MYO18A: variants seen among roughly 807,000 people sequenced by gnomAD.
MYO18A encodes myosin XVIIIA.
MYO18A carries 78 observed loss-of-function variants against 235.8 expected under a neutral mutation model. That is an observed-to-expected ratio of 0.33 (90% CI 0.28 to 0.40). MYO18A has a LOEUF of 0.40. Among genes scored for constraint, MYO18A ranks in the 10% least tolerant of loss-of-function variants. The pLI, the probability that MYO18A is intolerant of heterozygous loss-of-function variation, is 1.00. For synonymous variants in MYO18A, 977 were observed against 1,077.8 expected, an observed-to-expected ratio of 0.91 and a Z score of 1.83; for missense variants, 2,215 against 2,699.3, an observed-to-expected ratio of 0.82 and a Z score of 3.98.
rs74696967 is a variant in MYO18A, at chr17:29,073,812, G to A, written c.*958C>T. 1.1e-3 allele frequency: 1,772 copies of A among 1,549,304 alleles called. 17 individuals carry two copies. In the African/African-American group the frequency reaches 0.022, roughly 19 times the overall value. On this transcript the variant is annotated 3_prime_UTR_variant, in exon 42 of 42. Coordinates refer to ENST00000527372, the MANE Select transcript of MYO18A (RefSeq NM_078471.4). ...TGAGGACTCATGTCTAATGAGCACC[G>A]GCCAAAACTTCCATCTTCAGTTTTT...
At chr17:29,122,348 G>T in intron 2 of MYO18A, 95 bp from the exon 3 acceptor site, 1 of 1,110,238 alleles carries the variant, frequency 9.0e-7, no homozygotes, top group South Asian at 1.4e-5. Flanking sequence ...TGGGCTTTGA[G>T]ACAAGCCACT....
Position 29,086,939 on chromosome 17 carries a change from T to C in MYO18A, c.5709A>G (p.Glu1903=), listed in dbSNP as rs2066269691. The change falls in exon 38 of 42, where the codon GAA becomes GAG. Residue 1903 remains glutamate, a synonymous_variant. Coordinates refer to ENST00000527372, the MANE Select transcript of MYO18A (RefSeq NM_078471.4). ...KEAEASRKKH[E]LEMDLESLEA... ...CGTGGGGGACAGGGGGCATTACCAG[T>C]TCGTGCTTCTTGCGGCTCGCCTCGG... is the stretch of plus-strand genomic sequence containing the variant. 1 of 1,612,196 alleles carries C rather than the reference T, an allele frequency of 6.2e-7. No homozygotes were observed. The highest frequency in any genetic ancestry group is 8.5e-7 in the Non-Finnish European group (1 of 1,178,912).
chr17:29,175,962 G>C (rs896314984), intron 1 of MYO18A, among the ~76,000 whole-genome samples: 1 of 152,110 alleles, frequency 6.6e-6, no homozygotes, highest in Non-Finnish European at 1.5e-5. Context: ...GGGAGGCTGA[G>C]GCAGAGAATT....
In MYO18A at chr17:29,098,367, G is replaced by T; in HGVS notation, c.3859C>A (p.Leu1287Met). 6.2e-7 allele frequency: 1 copy of T among 1,613,850 alleles called. No homozygotes were observed. The highest frequency in any genetic ancestry group is 8.5e-7 in the Non-Finnish European group (1 of 1,179,858). The change falls in exon 24 of 42, where the codon CTG (leucine) becomes ATG (methionine). Residue 1287 changes from leucine to methionine, a missense_variant. Physicochemically the swap from Leu to Met is conservative, Grantham distance 15. Transcript: ENST00000527372. ...CAGGAGTCACTCACCCGGCTCTCCA[G>T]CCGGTCACTGTTGAGCCGCAGCTCG... ...RNELRLNSDR[L>M]ESRISELTSE...
chr17:29,122,365 GGAATGAGTTAGGT>G, intron 2 of MYO18A, 112 bp from the exon 3 acceptor site: 2 of 920,782 alleles, frequency 2.2e-6, no homozygotes, highest in Non-Finnish European at 3.4e-6. Flanking sequence ...CACTGGGCAA[GGAATGAGTTAGGT>G]GACAGACACA....
rs774525527 is a variant in MYO18A, at chr17:29,090,591, T to G, written c.5329A>C (p.Asn1777His). The change falls in exon 36 of 42, where the codon AAT becomes CAT. Residue 1777 changes from asparagine to histidine, a missense_variant. Coordinates refer to ENST00000527372, the MANE Select transcript of MYO18A (RefSeq NM_078471.4). The stretch of plus-strand genomic sequence containing the variant: ...TCTTCTAGCTGAGCTTGGAGATCAT[T>G]TATCTGAGCCAGGTCCCGGGAAGCC... ...AQASRDLAQI[N>H]DLQAQLEEAN... 3.1e-6 allele frequency: 5 copies of G among 1,601,016 alleles called. No homozygotes were observed. In the Admixed American group the frequency reaches 8.6e-5, roughly 28 times the overall value.
At chr17:29,132,514 G>A (rs2067496888) in intron 2 of MYO18A, among the ~76,000 whole-genome samples, 1 of 152,194 alleles carries the variant, frequency 6.6e-6, no homozygotes, top group Admixed American at 6.5e-5. Context: ...AATGTGGGTA[G>A]GAGCATGGCA....
chr17:29,136,254 T>A (rs59814642), intron 2 of MYO18A, among the ~76,000 whole-genome samples: 2,859 of 78,616 alleles, frequency 0.036, 58 homozygotes, highest in African/African-American at 0.099. Flanking sequence ...AAAAAAAATA[T>A]ATATATATAT....
chr17:29,072,170 G>T lies in MYO18A; in HGVS notation c.*2600C>A, dbSNP rs1398887134. The stretch of plus-strand genomic sequence containing the variant: ...CTATGTGAAAACAGGAATAAAAGAT[G>T]AGAGTGACAGAACTGAACATAAGCT... On this transcript the variant is annotated 3_prime_UTR_variant, in exon 42 of 42. Coordinates refer to ENST00000527372, the MANE Select transcript of MYO18A (RefSeq NM_078471.4). 1.4e-5 allele frequency: 2 copies of T among 146,224 alleles called. No individual in the cohort carries two copies. Among genetic ancestry groups the T allele is most frequent in the Non-Finnish European group, 3.0e-5 (2 of 66,848 alleles). 9.1% of individuals were successfully genotyped at this position (146,224 alleles called of 1,614,324 possible).
At chr17:29,129,024 A>AATC (rs1377724700) in intron 2 of MYO18A, 1 of 1,288,016 alleles carries the variant, frequency 7.8e-7, no homozygotes, top group Non-Finnish European at 1.0e-6. Flanking sequence ...TCCTACCACC[A>AATC]ATCCCAGGCC....
intron 2 of MYO18A, among the ~76,000 whole-genome samples, chr17:29,153,188 T>TCA (rs2067994406): frequency 6.6e-6 from 1 of 152,214 alleles, no homozygotes; most frequent in Admixed American, 6.5e-5. Flanking sequence ...AGTGGTGCAA[T>TCA]CACGGCTCAC....
At chr17:29,107,037 G>A (rs1247095755) in intron 20 of MYO18A, 43 bp downstream of exon 20, 1 of 1,577,982 alleles carries the variant, frequency 6.3e-7, no homozygotes. Context: ...AGCTGCTTGA[G>A]GGGCCTGGGC....
Position 29,094,761 on chromosome 17 carries a change from A to G in MYO18A, c.4599T>C (p.Asp1533=). 2.5e-6 allele frequency: 4 copies of G among 1,614,044 alleles called. No individual in the cohort carries two copies. Among genetic ancestry groups the G allele is most frequent in the Non-Finnish European group, 3.4e-6 (4 of 1,179,898 alleles). ...LQDISSQESK[D]EASLAKVKKQ... ...TCTTGACCTTGGCCAGAGAAGCCTCATCCTTGGACTCTTGGGAAGAAATGT... is the reference window on the plus strand; with the variant it reads ...TCTTGACCTTGGCCAGAGAAGCCTCGTCCTTGGACTCTTGGGAAGAAATGT... The change falls in exon 30 of 42, where the codon GAT becomes GAC. Residue 1533 remains aspartate, a synonymous_variant. Transcript: ENST00000527372.
Position 29,073,974 on chromosome 17 carries a change from G to A in MYO18A, c.*796C>T. 1 of 1,614,004 alleles carries A rather than the reference G, an allele frequency of 6.2e-7. No individual in the cohort carries two copies. The highest frequency in any genetic ancestry group is 8.5e-7 in the Non-Finnish European group (1 of 1,179,970). On this transcript the variant is annotated 3_prime_UTR_variant, in exon 42 of 42. Coordinates refer to ENST00000527372, the MANE Select transcript of MYO18A (RefSeq NM_078471.4). ...AGTTGGAATGGGTTTACCTTAAATA[G>A]GTCATTGCACATAACACGCTGAGAC...
intron 2 of MYO18A, among the ~76,000 whole-genome samples, chr17:29,145,806 G>T (rs1374424281): frequency 6.6e-6 from 1 of 152,204 alleles, no homozygotes; most frequent in Non-Finnish European, 1.5e-5. Flanking sequence ...GTCAATAACA[G>T]TCTAGGGAAG....
In MYO18A at chr17:29,096,911, C is replaced by T; in HGVS notation, c.4235G>A (p.Gly1412Glu). The T allele has an allele frequency of 6.4e-7, 1 of 1,565,114 alleles. No homozygotes were observed. Among genetic ancestry groups the T allele is most frequent in the Non-Finnish European group, 8.6e-7 (1 of 1,156,444 alleles). The change falls in exon 28 of 42, where the codon GGG (glycine) becomes GAG (glutamate). Residue 1412 changes from glycine (G) to glutamate (E), a missense_variant. Transcript: ENST00000527372. ...CTCCTCACTATCTGCCTGCAGGTCC[C>T]CGAGCTAGGGGCCAAGATGGGGTGC... ...QNKRQLERRL[G>E]DLQADSEESQ... is the part of the protein sequence containing the mutation.
rs1306101377 is a variant in MYO18A, at chr17:29,118,332, C to T, written c.1893+45G>A. The T allele has an allele frequency of 1.0e-5, 16 of 1,581,844 alleles. No homozygotes were observed. Among genetic ancestry groups the T allele is most frequent in the Non-Finnish European group, 1.4e-5 (16 of 1,157,404 alleles). ...CAGGACCCATGGAGGCTTCTCCTAC[C>T]CCCAAGGCCCAGGGCTGGCAACCCA... On this transcript the variant is annotated intron_variant, in intron 9 of 41. Transcript: ENST00000527372. The surrounding 1 kb of genome is among the most constrained non-coding windows in gnomAD (Gnocchi z 4.2).
At chr17:29,101,835 A>T (rs1305722583) in intron 21 of MYO18A, among the ~76,000 whole-genome samples, 2 of 152,142 alleles carry the variant, frequency 1.3e-5, no homozygotes, top group African/African-American at 4.8e-5. Context: ...TCTCTTGAAC[A>T]TTTGGGGGGT....
At position 29,092,153 on chromosome 17, in the gene MYO18A, C is replaced by T. The variant is rs192532497; in HGVS notation, c.5187+190G>A. The stretch of plus-strand genomic sequence containing the variant: ...GCTCCCTCTTCTGCCCGCTCCTCCC[C>T]GAGGCCTCTGCTCAGTGTGGAGAGA... On this transcript the variant is annotated intron_variant, in intron 34 of 41. Transcript: ENST00000527372. Among the ~76,000 whole-genome samples the T allele has an allele frequency of 2.0e-4, 30 of 152,316 alleles. 1 individual carries two copies. Among genetic ancestry groups the T allele is most frequent in the African/African-American group, 5.8e-4 (24 of 41,568 alleles).
Sources: allele counts gnomAD v4.1 joint callset (sites outside exome capture counted in the v4.1 genomes callset), GRCh38; gene constraint gnomAD v4.1.1; non-coding constraint Gnocchi (gnomAD v3.1); transcripts MANE v1.5; gene names NCBI Gene and HGNC (gene_info 2026-07-23, HGNC 2026-07-21).